Variants in HS6ST3 observed in about 807,000 individuals in gnomAD.
HS6ST3 encodes heparan sulfate 6-O-sulfotransferase 3, also known as heparan-sulfate 6-O-sulfotransferase 3.
A neutral mutation model predicts 36.7 loss-of-function variants in HS6ST3; 12 were observed. The observed-to-expected ratio is 0.33, with a 90% confidence interval of 0.21 to 0.53. The LOEUF is 0.53. Among genes scored for constraint, HS6ST3 ranks in the 20% least tolerant of loss-of-function variants. The pLI, the probability that HS6ST3 is intolerant of heterozygous loss-of-function variation, is 0.95. For synonymous variants in HS6ST3, 240 were observed against 257.5 expected (o/e 0.93, Z 0.65); for missense variants, 584 against 640.9 (o/e 0.91, Z 0.96).
chr13:96,832,459 C>T, intron 1 of HS6ST3, 31 bp from the exon 2 acceptor site: 1 of 1,483,558 alleles, frequency 6.7e-7, no homozygotes, highest in Non-Finnish European at 9.1e-7. Context: ...GAGTTGTCAA[C>T]TACTGATGCT....
At chr13:96,174,880 G>GTA (rs2054205232) in intron 1 of HS6ST3, among the ~76,000 whole-genome samples, 1 of 151,986 alleles carries the variant, frequency 6.6e-6, no homozygotes, top group Non-Finnish European at 1.5e-5. Flanking sequence ...CCAAATTTAG[G>GTA]CCATGGCTTT....
At chr13:96,190,273 C>T (rs892059874) in intron 1 of HS6ST3, among the ~76,000 whole-genome samples, 1 of 152,194 alleles carries the variant, frequency 6.6e-6, no homozygotes, top group Non-Finnish European at 1.5e-5. Flanking sequence ...CTTATTGGGT[C>T]TCTGCCTGGG....
intron 1 of HS6ST3, among the ~76,000 whole-genome samples, chr13:96,614,793 T>C (rs983903981): frequency 6.6e-6 from 1 of 152,344 alleles, no homozygotes; most frequent in South Asian, 2.1e-4. Context: ...TTGTTTAATT[T>C]CTTTCTGTTA....
At chr13:96,115,428 T>G (rs909257625) in intron 1 of HS6ST3, among the ~76,000 whole-genome samples, 3 of 152,114 alleles carry the variant, frequency 2.0e-5, no homozygotes, top group Non-Finnish European at 4.4e-5. Flanking sequence ...GGCCCTGGTA[T>G]GTGTTGTTCC....
At chr13:96,681,928 A>G (rs1426508190) in intron 1 of HS6ST3, among the ~76,000 whole-genome samples, 1 of 152,080 alleles carries the variant, frequency 6.6e-6, no homozygotes, top group Non-Finnish European at 1.5e-5. Flanking sequence ...CTGTTCAAAC[A>G]TTACCCTCAG....
intron 1 of HS6ST3, among the ~76,000 whole-genome samples, chr13:96,423,577 A>AT (rs2055571565): frequency 6.6e-6 from 1 of 151,254 alleles, no homozygotes; most frequent in Non-Finnish European, 1.5e-5. Flanking sequence ...AGCCATTTCG[A>AT]TTTTTTCAGG....
chr13:96,254,506 CAT>C lies in HS6ST3; in HGVS notation c.707+162939_707+162940del, dbSNP rs1566302766. Among the ~76,000 whole-genome samples, 108 of 20,306 alleles carry C rather than the reference CAT, an allele frequency of 5.3e-3. 4 individuals are homozygous for C. Among genetic ancestry groups the C allele is most frequent in the African/African-American group, 0.015 (103 of 6,774 alleles). 13.3% of individuals were successfully genotyped at this position (20,306 alleles called of 152,430 possible). ...ATATATATATATATATATACACATACATACACACACACACTTTTTTCTTTTCA... is the reference window on the plus strand; with the variant it reads ...ATATATATATATATATATACACATACACACACACACACTTTTTTCTTTTCA... On this transcript the variant is annotated intron_variant, in intron 1 of 1. Coordinates refer to ENST00000376705, the MANE Select transcript of HS6ST3 (RefSeq NM_153456.4).
intron 1 of HS6ST3, among the ~76,000 whole-genome samples, chr13:96,455,036 A>T (rs1012055355): frequency 1.3e-5 from 2 of 152,018 alleles, no homozygotes; most frequent in Admixed American, 1.3e-4. Context: ...CTCAGCTTCT[A>T]TATTTTTGTC....
intron 1 of HS6ST3, among the ~76,000 whole-genome samples, chr13:96,138,755 C>G (rs1302030843): frequency 6.6e-6 from 1 of 151,858 alleles, no homozygotes; most frequent in Non-Finnish European, 1.5e-5. Flanking sequence ...TAAAATAATG[C>G]TTTTGAAAAA....
intron 1 of HS6ST3, among the ~76,000 whole-genome samples, chr13:96,225,888 C>T (rs1184803516): frequency 1.3e-5 from 2 of 152,104 alleles, no homozygotes; most frequent in African/African-American, 4.8e-5. Context: ...AGAGAAGTAG[C>T]TTATAAGCAT....
At position 96,100,303 on chromosome 13, in the gene HS6ST3, T is replaced by C. The variant is rs570764347; in HGVS notation, c.707+8734T>C. Among the ~76,000 whole-genome samples the C allele has an allele frequency of 3.3e-5, 5 of 152,278 alleles. No individual in the cohort carries two copies. The South Asian group carries it at 1.0e-3, about 32-fold the overall frequency. On this transcript the variant is annotated intron_variant, in intron 1 of 1. Coordinates refer to ENST00000376705, the MANE Select transcript of HS6ST3 (RefSeq NM_153456.4). ...TATTTATCTACTTATGCATTCATTTTCTGTATCATGCTGCTGTTTTAAAGT... is the reference window on the plus strand; with the variant it reads ...TATTTATCTACTTATGCATTCATTTCCTGTATCATGCTGCTGTTTTAAAGT...
At chr13:96,500,320 T>C (rs1054179758) in intron 1 of HS6ST3, among the ~76,000 whole-genome samples, 1 of 152,218 alleles carries the variant, frequency 6.6e-6, no homozygotes, top group Non-Finnish European at 1.5e-5. Flanking sequence ...AATTTGTTTA[T>C]TCATTCATCG....
At chr13:96,731,510 G>C (rs987166481) in intron 1 of HS6ST3, among the ~76,000 whole-genome samples, 2 of 152,096 alleles carry the variant, frequency 1.3e-5, no homozygotes, top group African/African-American at 4.8e-5. Flanking sequence ...TACTTAGGTT[G>C]ATTCTGTATC....
chr13:96,148,073 T>C, intron 1 of HS6ST3, among the ~76,000 whole-genome samples: 1 of 152,246 alleles, frequency 6.6e-6, no homozygotes, highest in East Asian at 1.9e-4. Context: ...TTAATCTTTC[T>C]TAAATGTATG....
rs1017681247 is a variant in HS6ST3 at position 96,127,774 on chromosome 13, C to T, written c.707+36205C>T. Among the ~76,000 whole-genome samples, 4 of 152,290 alleles carry T rather than the reference C, an allele frequency of 2.6e-5. No homozygotes were observed. In the South Asian group the frequency reaches 6.2e-4, roughly 24 times the overall value. On this transcript the variant is annotated intron_variant, in intron 1 of 1. Coordinates refer to ENST00000376705, the MANE Select transcript of HS6ST3 (RefSeq NM_153456.4). ...TAGGTACGGTACTTGCAGGATCTCA[C>T]ACATTTCTGTAATTTCATCTACCCC...
At chr13:96,325,773 AT>A (rs2055027805) in intron 1 of HS6ST3, among the ~76,000 whole-genome samples, 1 of 152,158 alleles carries the variant, frequency 6.6e-6, no homozygotes, top group Admixed American at 6.5e-5. Context: ...AGGGGACAAA[AT>A]TGGTCATTTA....
chr13:96,296,149 A>G (rs1172402498), intron 1 of HS6ST3, among the ~76,000 whole-genome samples: 1 of 152,162 alleles, frequency 6.6e-6, no homozygotes, highest in Non-Finnish European at 1.5e-5. Context: ...GCATTGGGAA[A>G]TGAAAACCTG....
chr13:96,772,147 T>A lies in HS6ST3; in HGVS notation c.708-60343T>A, dbSNP rs536866011. Among the ~76,000 whole-genome samples the A allele has an allele frequency of 7.2e-5, 11 of 152,284 alleles. No homozygotes were observed. The South Asian group carries it at 2.3e-3, about 32-fold the overall frequency. ...GAGACGTTGGTGTGGGCCTTGGAAA[T>A]CAAAGTGATACATGCATAAAGAGGA... is the stretch of plus-strand genomic sequence containing the variant. On this transcript the variant is annotated intron_variant, in intron 1 of 1. Transcript: ENST00000376705.
chr13:96,395,048 G>T (rs912694), intron 1 of HS6ST3, among the ~76,000 whole-genome samples: 5 of 151,786 alleles, frequency 3.3e-5, no homozygotes, highest in Non-Finnish European at 5.9e-5. Flanking sequence ...TTGTTCATCT[G>T]TTGCTTTGTG....
Sources: allele counts gnomAD v4.1 joint callset (sites outside exome capture counted in the v4.1 genomes callset), GRCh38; gene constraint gnomAD v4.1.1; transcripts MANE v1.5; gene names NCBI Gene and HGNC (gene_info 2026-07-23, HGNC 2026-07-21).